TECPR2: variants seen among roughly 807,000 people sequenced by gnomAD.
TECPR2 encodes the protein tectonin beta-propeller repeat-containing protein 2.
In TECPR2, 65 loss-of-function variants were observed where a neutral mutation model predicts 138.1. That is an observed-to-expected ratio of 0.47 (90% confidence interval 0.39 to 0.58). TECPR2 has a LOEUF of 0.58. Among genes scored for constraint, TECPR2 ranks in the 20% least tolerant of loss-of-function variants. The pLI is 0.00. For synonymous variants in TECPR2, 746 were observed against 749.8 expected (o/e 0.99, Z 0.08); for missense variants, 1,553 against 1,824.5 (o/e 0.85, Z 2.71).
intron 1 of TECPR2, among the ~76,000 whole-genome samples, chr14:102,372,985 TTAAA>T (rs752162338): frequency 6.6e-6 from 1 of 152,308 alleles, no homozygotes; most frequent in South Asian, 2.1e-4. Context: ...TTTTAAAAAG[TTAAA>T]TAAATTATGG....
At position 102,431,621 on chromosome 14, in the gene TECPR2, C is replaced by T. The variant is rs1190542; in HGVS notation, c.1085-175C>T. Reference sequence around the variant, plus strand: ...CCTCCCAAAGTGCTGGGATTACAGGCGTGAGTCACCGTGCCCATCCTAGTT... The same window carrying T: ...CCTCCCAAAGTGCTGGGATTACAGGTGTGAGTCACCGTGCCCATCCTAGTT... On this transcript the variant is annotated intron_variant, in intron 7 of 19. Coordinates refer to ENST00000359520, the MANE Select transcript of TECPR2 (RefSeq NM_014844.5). Among the ~76,000 whole-genome samples the T allele has an allele frequency of 0.66, 100,541 of 152,044 alleles. 33,905 individuals are homozygous for T. The highest frequency in any genetic ancestry group is 0.78 in the Middle Eastern group (228 of 292).
intron 1 of TECPR2, among the ~76,000 whole-genome samples, chr14:102,368,451 C>G (rs995026560): frequency 1.3e-5 from 2 of 152,126 alleles, no homozygotes; most frequent in African/African-American, 4.8e-5. Flanking sequence ...ATCGATCTTC[C>G]CACCCCAGCC....
At chr14:102,432,298 T>TACACACACACACACACACACACAACACAC (rs1555451259) in intron 8 of TECPR2, among the ~76,000 whole-genome samples, 170 bp downstream of exon 8, 20 of 148,802 alleles carry the variant, frequency 1.3e-4, no homozygotes, top group African/African-American at 4.5e-4. Flanking sequence ...TAACGGAAAA[T>TACACACACACACACACACACACAACACAC]ACACACACAC....
chr14:102,428,215 G>A, intron 6 of TECPR2, 35 bp from the exon 7 acceptor site: 1 of 1,309,498 alleles, frequency 7.6e-7, no homozygotes, highest in Non-Finnish European at 9.9e-7. Flanking sequence ...TTAGTTTTGT[G>A]TTTTTTGTTT....
At chr14:102,463,448 CA>C (rs969897459) in intron 16 of TECPR2, among the ~76,000 whole-genome samples, 1 of 134,356 alleles carries the variant, frequency 7.4e-6, no homozygotes, top group Admixed American at 7.5e-5. Flanking sequence ...AAGAAAAAAA[CA>C]AAAAAACAGG....
chr14:102,401,804 CAAAAAA>C (rs34413626), intron 2 of TECPR2, among the ~76,000 whole-genome samples: 93 of 68,946 alleles, frequency 1.3e-3, no homozygotes, highest in African/African-American at 4.7e-3. Flanking sequence ...GACTCCGTCT[CAAAAAA>C]AAAAAAAAAA....
At chr14:102,427,258 T>C (rs1341728517) in intron 6 of TECPR2, among the ~76,000 whole-genome samples, 1 of 152,254 alleles carries the variant, frequency 6.6e-6, no homozygotes, top group Non-Finnish European at 1.5e-5. Context: ...TATTAATTAG[T>C]AGCATCAAGA....
rs778960953 is a variant in TECPR2 at position 102,407,376 on chromosome 14, C to T, written c.258C>T (p.Ser86=). 1 of 1,613,408 alleles carries T rather than the reference C, an allele frequency of 6.2e-7. No homozygotes were observed. Among genetic ancestry groups the T allele is most frequent in the East Asian group, 2.2e-5 (1 of 44,848 alleles). Residue 86 remains serine, a synonymous_variant, in exon 3 of 20, where the codon AGC becomes AGT. Transcript: ENST00000359520. The stretch of plus-strand genomic sequence containing the variant: ...CTATCACTGTGGTGAAGCTGCTGAG[C>T]TGCTTTGATGACCTGGTGGCAGCAG... ...TESITVVKLL[S]CFDDLVAAGT...
intron 13 of TECPR2, among the ~76,000 whole-genome samples, chr14:102,449,384 T>C (rs909944811): frequency 6.6e-6 from 1 of 152,282 alleles, no homozygotes; most frequent in Non-Finnish European, 1.5e-5. Context: ...AATGTGAATA[T>C]ATTCTTCCAT....
intron 2 of TECPR2, among the ~76,000 whole-genome samples, chr14:102,393,614 A>G (rs1888237240): frequency 6.6e-6 from 1 of 152,158 alleles, no homozygotes; most frequent in Non-Finnish European, 1.5e-5. Context: ...ACTGGAGTGC[A>G]GTGGCATGAT....
chr14:102,372,812 C>G (rs540833912), intron 1 of TECPR2, among the ~76,000 whole-genome samples: 1 of 151,930 alleles, frequency 6.6e-6, no homozygotes, highest in South Asian at 2.1e-4. Flanking sequence ...CCCAGCTACT[C>G]GGGAGGCTGA....
chr14:102,410,643 C>G (rs929928296), intron 4 of TECPR2, among the ~76,000 whole-genome samples: 1 of 152,064 alleles, frequency 6.6e-6, no homozygotes, highest in Non-Finnish European at 1.5e-5. Context: ...ATGGATACTC[C>G]TTTTTGTTAG....
chr14:102,442,453 T>C (rs1243710726), intron 11 of TECPR2, among the ~76,000 whole-genome samples: 1 of 152,250 alleles, frequency 6.6e-6, no homozygotes, highest in Non-Finnish European at 1.5e-5. Flanking sequence ...TGTGTCTTTC[T>C]TTAAATGAAA....
chr14:102,428,153 C>A, intron 6 of TECPR2, 97 bp from the exon 7 acceptor site: 2 of 1,394,658 alleles, frequency 1.4e-6, no homozygotes, highest in Non-Finnish European at 1.9e-6. Context: ...TATCATTTGA[C>A]TGATTTGGAC....
chr14:102,460,277 A>G (rs1332519185), intron 16 of TECPR2, among the ~76,000 whole-genome samples: 1 of 148,476 alleles, frequency 6.7e-6, no homozygotes, highest in Non-Finnish European at 1.5e-5. Flanking sequence ...GGGCGACAGA[A>G]TGAGACTCTG....
chr14:102,497,792 T>G, intron 19 of TECPR2, 73 bp downstream of exon 19: 3 of 1,470,178 alleles, frequency 2.0e-6, no homozygotes, highest in Non-Finnish European at 2.7e-6. Flanking sequence ...GTCGGGGGGC[T>G]CTCAAAGAAG....
At chr14:102,386,365 G>A (rs1470069870) in intron 2 of TECPR2, among the ~76,000 whole-genome samples, 2 of 152,104 alleles carry the variant, frequency 1.3e-5, no homozygotes, top group Non-Finnish European at 2.9e-5. Flanking sequence ...AGCTACTCAG[G>A]AGACTGAGGC....
intron 9 of TECPR2, among the ~76,000 whole-genome samples, chr14:102,435,626 G>C (rs1354330256): frequency 6.6e-6 from 1 of 152,144 alleles, no homozygotes; most frequent in Non-Finnish European, 1.5e-5. Flanking sequence ...GGAGTCTCCT[G>C]TCCTTCTCCT....
intron 2 of TECPR2, among the ~76,000 whole-genome samples, chr14:102,404,686 C>T (rs1035473663): frequency 4.0e-5 from 6 of 151,658 alleles, no homozygotes; most frequent in Non-Finnish European, 8.8e-5. Context: ...AAATGATGCT[C>T]CTGCCTCAGC....
Sources: allele counts gnomAD v4.1 joint callset (sites outside exome capture counted in the v4.1 genomes callset), GRCh38; gene constraint gnomAD v4.1.1; transcripts MANE v1.5; gene names NCBI Gene and HGNC (gene_info 2026-07-23, HGNC 2026-07-21).